Variants in KIAA1217 observed in about 807,000 individuals in gnomAD.
The protein encoded by KIAA1217 is sickle tail protein homolog.
A neutral mutation model predicts 163.9 loss-of-function variants in KIAA1217; 88 were observed. The ratio of observed to expected loss-of-function variants is 0.54; its 90% confidence interval spans 0.45 to 0.64. KIAA1217 has a LOEUF of 0.64. KIAA1217 is among the 30% of genes least tolerant of loss of function. The pLI is 0.00. For synonymous variants in KIAA1217, 903 were observed against 923.1 expected (o/e 0.98, Z 0.39); for missense variants, 2,372 against 2,475.0 (o/e 0.96, Z 0.88).
intron 1 of KIAA1217, among the ~76,000 whole-genome samples, chr10:23,727,451 T>A (rs1382898122): frequency 6.6e-6 from 1 of 151,766 alleles, no homozygotes; most frequent in Admixed American, 6.6e-5. Flanking sequence ...TCCCAGCTAC[T>A]TGGGAGGCTG....
intron 2 of KIAA1217, among the ~76,000 whole-genome samples, chr10:24,234,270 CAA>C (rs539345985): frequency 2.2e-5 from 3 of 139,374 alleles, no homozygotes; most frequent in Non-Finnish European, 1.6e-5. Flanking sequence ...TTCTAAAATC[CAA>C]AAAAAAAAAA....
rs370818650 is a variant in KIAA1217, at chr10:24,480,330, C to A, written c.1679+6270C>A. ...CAGGACAGTTATTACCTCCATTCTG[C>A]CCTCCTCCTCGTGATAAAGCAACTC... On this transcript the variant is annotated intron_variant, in intron 6 of 20. Transcript: ENST00000376454. Among the ~76,000 whole-genome samples, 36 of 152,342 alleles carry A rather than the reference C, an allele frequency of 2.4e-4. No individual in the cohort carries two copies. In the South Asian group the frequency reaches 6.2e-3, roughly 26 times the overall value.
rs1021790242 is a variant in KIAA1217, at chr10:24,466,525, T to C, written c.847-6703T>C. ...GACTTATCACGGGGAAGGTTACTTT[T>C]TATCCATGCCAGTGTCAGCTTCTCT... On this transcript the variant is annotated intron_variant, in intron 5 of 20. Transcript: ENST00000376454. 1.2e-5 allele frequency: 12 copies of C among 985,414 alleles called. 1 individual carries two copies. The Admixed American group carries it at 1.8e-4, about 15-fold the overall frequency. The allele number at this position is 985,414 out of a possible 1,614,324, so 61.0% of individuals were successfully genotyped here.
At position 24,322,495 on chromosome 10, in the gene KIAA1217, C is replaced by A. The variant is rs377284782; in HGVS notation, c.355-58374C>A. ...GGAAGCACCAGCAAGGAAAAAGACCCTGTACATGAACTTGGCTAAGGAATT... is the reference window on the plus strand; with the variant it reads ...GGAAGCACCAGCAAGGAAAAAGACCATGTACATGAACTTGGCTAAGGAATT... On this transcript the variant is annotated intron_variant, in intron 2 of 20. Transcript: ENST00000376454. 1.8e-3 allele frequency among the ~76,000 whole-genome samples: 278 copies of A among 152,254 alleles called. 4 individuals are homozygous for A. The highest frequency in any genetic ancestry group is 6.5e-3 in the African/African-American group (271 of 41,532).
chr10:24,303,766 G>A (rs944623947), intron 2 of KIAA1217, among the ~76,000 whole-genome samples: 1 of 152,272 alleles, frequency 6.6e-6, no homozygotes, highest in African/African-American at 2.4e-5. Context: ...ATTCAAGGTC[G>A]TGTGTTGGCC....
At chr10:24,114,755 T>G (rs1302150598) in intron 2 of KIAA1217, among the ~76,000 whole-genome samples, 2 of 152,208 alleles carry the variant, frequency 1.3e-5, no homozygotes, top group Non-Finnish European at 2.9e-5. Flanking sequence ...CTGCTTAGAT[T>G]ATTTCCATAG....
At chr10:24,417,982 C>G (rs1056925063) in intron 3 of KIAA1217, among the ~76,000 whole-genome samples, 11 of 151,468 alleles carry the variant, frequency 7.3e-5, no homozygotes, top group Non-Finnish European at 1.2e-4. Context: ...GAGTGTTGCT[C>G]TGTCACCCAG....
At chr10:24,119,539 G>A (rs907979755) in intron 2 of KIAA1217, among the ~76,000 whole-genome samples, 1 of 152,180 alleles carries the variant, frequency 6.6e-6, no homozygotes, top group Non-Finnish European at 1.5e-5. Context: ...ATTAGGCTGA[G>A]CTACAGCTGT....
At chr10:24,192,329 A>G (rs1453145108) in intron 2 of KIAA1217, among the ~76,000 whole-genome samples, 1 of 152,154 alleles carries the variant, frequency 6.6e-6, no homozygotes, top group Non-Finnish European at 1.5e-5. Context: ...TAGGGAGGGC[A>G]TCTCTCACAT....
chr10:24,157,921 T>A, intron 2 of KIAA1217: 1 of 694,242 alleles, frequency 1.4e-6, no homozygotes, highest in South Asian at 1.7e-5. Flanking sequence ...CAGGAGTTAA[T>A]GCCCAGTTCT....
chr10:24,519,562 G>A (rs1445720426), intron 10 of KIAA1217, among the ~76,000 whole-genome samples: 1 of 152,082 alleles, frequency 6.6e-6, no homozygotes, highest in Non-Finnish European at 1.5e-5. Flanking sequence ...CACAAGCTGG[G>A]GTAGGCAAGG....
intron 1 of KIAA1217, among the ~76,000 whole-genome samples, chr10:23,864,715 G>A (rs1840108848): frequency 6.6e-6 from 1 of 152,042 alleles, no homozygotes; most frequent in Admixed American, 6.6e-5. Context: ...CAGAAAAACA[G>A]AACAAATAGA....
intron 1 of KIAA1217, among the ~76,000 whole-genome samples, chr10:23,948,880 T>C (rs1844186324): frequency 6.6e-6 from 1 of 152,144 alleles, no homozygotes; most frequent in Non-Finnish European, 1.5e-5. Context: ...CTACACCCAG[T>C]AGGGCTCCAT....
At chr10:23,797,444 A>G (rs190181316) in intron 1 of KIAA1217, among the ~76,000 whole-genome samples, 3 of 152,304 alleles carry the variant, frequency 2.0e-5, no homozygotes, top group Admixed American at 1.3e-4. Context: ...TTGACTCCAA[A>G]ACTCGTGTTT....
intron 13 of KIAA1217, among the ~76,000 whole-genome samples, chr10:24,526,682 A>G (rs2072238799): frequency 6.6e-6 from 1 of 152,114 alleles, no homozygotes; most frequent in South Asian, 2.1e-4. Context: ...TATTCATTCA[A>G]CAGAGATTAC....
At chr10:23,767,395 A>G (rs1834587309) in intron 1 of KIAA1217, among the ~76,000 whole-genome samples, 1 of 152,190 alleles carries the variant, frequency 6.6e-6, no homozygotes, top group Admixed American at 6.5e-5. Flanking sequence ...GCAATATTCC[A>G]GATGAGAAAT....
chr10:23,795,131 T>C (rs1421008136), intron 1 of KIAA1217, among the ~76,000 whole-genome samples: 1 of 152,222 alleles, frequency 6.6e-6, no homozygotes, highest in Admixed American at 6.5e-5. Flanking sequence ...ATTAATAACA[T>C]TTTCTGACTT....
intron 2 of KIAA1217, among the ~76,000 whole-genome samples, chr10:24,244,657 C>T (rs558637267): frequency 2.7e-4 from 41 of 151,214 alleles, no homozygotes; most frequent in Non-Finnish European, 4.1e-4. Context: ...CTCCGCCTCC[C>T]GGATTCAAGT....
chr10:24,337,800 T>A (rs535841240), intron 2 of KIAA1217, among the ~76,000 whole-genome samples: 99 of 152,018 alleles, frequency 6.5e-4, no homozygotes, highest in African/African-American at 2.3e-3. Flanking sequence ...CCTGCCACCA[T>A]GCCCGGCTAA....
Sources: allele counts gnomAD v4.1 joint callset (sites outside exome capture counted in the v4.1 genomes callset), GRCh38; gene constraint gnomAD v4.1.1; transcripts MANE v1.5; gene names NCBI Gene and HGNC (gene_info 2026-07-23, HGNC 2026-07-21).